CDH13: variants seen among roughly 807,000 people sequenced by gnomAD.
The protein encoded by CDH13 is cadherin 13.
Under a neutral mutation model 63.8 loss-of-function variants are expected in CDH13, and 24 were observed. The ratio of observed to expected loss-of-function variants is 0.38; its 90% CI spans 0.27 to 0.53. The LOEUF (loss-of-function observed/expected upper bound fraction) is 0.53, where lower values mean the gene tolerates loss of function less well. CDH13 is among the 20% of genes least tolerant of loss of function. The pLI is 0.85. For synonymous variants in CDH13, 503 were observed against 355.3 expected (o/e 1.42, Z -4.67); for missense variants, 1,049 against 903.1 (o/e 1.16, Z -2.07).
intron 3 of CDH13, among the ~76,000 whole-genome samples, chr16:83,055,829 A>G (rs1456611061): frequency 6.6e-6 from 1 of 152,208 alleles, no homozygotes; most frequent in East Asian, 1.9e-4. Context: ...TCTCTAATGA[A>G]TGTATATGAG....
chr16:82,685,740 C>CT (rs1452138133), intron 1 of CDH13, among the ~76,000 whole-genome samples: 3 of 152,184 alleles, frequency 2.0e-5, no homozygotes, highest in African/African-American at 7.2e-5. Flanking sequence ...CTTCAGTTGG[C>CT]TTTTATCTCT....
At chr16:83,426,927 TTTTTTTTTTTTTG>T (rs1258604132) in intron 6 of CDH13, among the ~76,000 whole-genome samples, 53 of 109,596 alleles carry the variant, frequency 4.8e-4, no homozygotes, top group East Asian at 2.2e-3. Context: ...TTTTTTTTTT[TTTTTTTTTTTTTG>T]AAGACGGAGT....
intron 1 of CDH13, among the ~76,000 whole-genome samples, chr16:82,731,148 A>T (rs1265625095): frequency 6.6e-6 from 1 of 152,196 alleles, no homozygotes; most frequent in African/African-American, 2.4e-5. Flanking sequence ...CCTCAGGGCT[A>T]GATGTCTTGT....
rs1378594065 is a variant in CDH13 at position 83,798,741 on chromosome 16, T to G, written c.*3711T>G. On this transcript the variant is annotated 3_prime_UTR_variant, in exon 14 of 14. Coordinates refer to ENST00000567109, the MANE Select transcript of CDH13 (RefSeq NM_001257.5). Reference sequence around the variant, plus strand: ...AGCGTGACTATGCAGCTAGACCAACTTACTGTTAAGCAACAGTACCTTTTA... The same window carrying G: ...AGCGTGACTATGCAGCTAGACCAACGTACTGTTAAGCAACAGTACCTTTTA... The G allele has an allele frequency of 1.3e-5, 2 of 152,166 alleles. No individual in the cohort carries two copies. The highest frequency in any genetic ancestry group is 2.9e-5 in the Non-Finnish European group (2 of 68,032). The allele number at this position is 152,166 out of a possible 1,614,324, so 9.4% of individuals were successfully genotyped here.
chr16:83,134,297 G>T (rs146237518), intron 4 of CDH13, among the ~76,000 whole-genome samples: 7 of 152,004 alleles, frequency 4.6e-5, no homozygotes, highest in African/African-American at 1.7e-4. Context: ...GGTTCAAGCA[G>T]TTCTGCCTCA....
chr16:82,924,969 C>T (rs777223262), intron 2 of CDH13, among the ~76,000 whole-genome samples: 10 of 152,094 alleles, frequency 6.6e-5, no homozygotes, highest in Admixed American at 2.0e-4. Context: ...TTAAAAACTT[C>T]GCATGAGACT....
At chr16:83,596,124 T>C (rs762331469) in intron 7 of CDH13, among the ~76,000 whole-genome samples, 19 of 152,180 alleles carry the variant, frequency 1.2e-4, no homozygotes, top group South Asian at 2.1e-4. Flanking sequence ...TACAACTTGA[T>C]CTTGAGAATG....
At chr16:82,864,324 G>A (rs901821139) in intron 2 of CDH13, among the ~76,000 whole-genome samples, 2 of 152,154 alleles carry the variant, frequency 1.3e-5, no homozygotes, top group Non-Finnish European at 2.9e-5. Flanking sequence ...ATGTTAGGAG[G>A]TGTATTAGCC....
At chr16:83,134,579 GA>G (rs1871604288) in intron 4 of CDH13, among the ~76,000 whole-genome samples, 1 of 62,218 alleles carries the variant, frequency 1.6e-5, no homozygotes, top group African/African-American at 1.1e-4. Context: ...GAGAGAGAGA[GA>G]GAGAGAGAGA....
intron 2 of CDH13, among the ~76,000 whole-genome samples, chr16:82,974,915 C>A (rs370860985): frequency 1.4e-4 from 22 of 152,182 alleles, no homozygotes; most frequent in African/African-American, 5.3e-4. Flanking sequence ...TTTGTTACAG[C>A]GGCCGCAGGA....
At chr16:83,421,656 A>G (rs1390298791) in intron 6 of CDH13, among the ~76,000 whole-genome samples, 1 of 152,134 alleles carries the variant, frequency 6.6e-6, no homozygotes, top group Non-Finnish European at 1.5e-5. Flanking sequence ...ATTCAGGACC[A>G]GATTACATGG....
At chr16:83,697,718 G>A (rs13333472) in intron 10 of CDH13, among the ~76,000 whole-genome samples, 22,373 of 152,144 alleles carry the variant, frequency 0.15, 1,807 homozygotes, top group East Asian at 0.29. Context: ...TGCAATCTCG[G>A]CTCACTTCAA....
chr16:83,415,826 C>T (rs1419283914), intron 6 of CDH13, among the ~76,000 whole-genome samples: 1 of 152,104 alleles, frequency 6.6e-6, no homozygotes, highest in African/African-American at 2.4e-5. Flanking sequence ...TAAAAGCTTA[C>T]CTTCTAAGAT....
chr16:82,787,650 C>G (rs62034552), intron 1 of CDH13, among the ~76,000 whole-genome samples: 10,381 of 152,266 alleles, frequency 0.068, 528 homozygotes, highest in Non-Finnish European at 0.11. Flanking sequence ...CAGGTGGGAC[C>G]TAGGTTGCCC....
At chr16:83,534,251 T>A (rs1181094062) in intron 7 of CDH13, among the ~76,000 whole-genome samples, 2 of 152,176 alleles carry the variant, frequency 1.3e-5, no homozygotes, top group African/African-American at 2.4e-5. Flanking sequence ...CTGTTCATGG[T>A]GGTTCAGAGG....
At chr16:83,518,491 G>T (rs1372703034) in intron 7 of CDH13, among the ~76,000 whole-genome samples, 11 of 119,838 alleles carry the variant, frequency 9.2e-5, no homozygotes, top group East Asian at 2.3e-4. Flanking sequence ...GTTTTTTTTT[G>T]AGACGGAGTC....
At position 83,137,833 on chromosome 16, in the gene CDH13, G is replaced by T. The variant is rs115508617; in HGVS notation, c.483+12332G>T. 7.5e-3 allele frequency among the ~76,000 whole-genome samples: 1,141 copies of T among 152,200 alleles called. 19 individuals are homozygous for T. Among genetic ancestry groups the T allele is most frequent in the African/African-American group, 0.027 (1,101 of 41,546 alleles). ...GAGGATTGAAGTAGAACTGGATGGA[G>T]ATGGGAAAGAGACCAATAAAGTGTT... On this transcript the variant is annotated intron_variant, in intron 4 of 13. Transcript: ENST00000567109.
chr16:82,787,470 T>C (rs1207464912), intron 1 of CDH13, among the ~76,000 whole-genome samples: 3 of 152,198 alleles, frequency 2.0e-5, no homozygotes, highest in Non-Finnish European at 4.4e-5. Flanking sequence ...AGTAGAGAAA[T>C]TCTGAGTGTT....
At chr16:82,794,610 A>C (rs2036490511) in intron 1 of CDH13, among the ~76,000 whole-genome samples, 1 of 152,166 alleles carries the variant, frequency 6.6e-6, no homozygotes, top group African/African-American at 2.4e-5. Context: ...CGACAACGGA[A>C]TCCAATCTCA....
Sources: gnomAD v4.1 joint callset for allele counts (sites outside exome capture counted in the v4.1 genomes callset) on GRCh38, gnomAD v4.1.1 for gene constraint, MANE v1.5 for transcripts, NCBI Gene and HGNC (gene_info 2026-07-23, HGNC 2026-07-21) for gene names.